Variants in EFHC2 observed in about 807,000 individuals in gnomAD.
The protein encoded by EFHC2 is EF-hand domain containing 2.
Under a neutral mutation model 52.7 loss-of-function variants are expected in EFHC2, and 18 were observed. The observed-to-expected ratio is 0.34, with a 90% CI of 0.24 to 0.51. The LOEUF is 0.51. EFHC2 is among the 20% of genes least tolerant of loss of function. The pLI, the probability that EFHC2 is intolerant of heterozygous loss-of-function variation, is 0.97. For missense variants in EFHC2, 513 were observed against 562.5 expected (o/e 0.91, Z 0.89); for synonymous variants, 203 against 204.1 (o/e 0.99, Z 0.04).
At chrX:44,192,676 T>C (rs772701456) in intron 11 of EFHC2, among the ~76,000 whole-genome samples, 1 of 111,421 alleles carries the variant, frequency 9.0e-6, no homozygotes, top group East Asian at 2.8e-4. Context: ...AATCCCTCTC[T>C]AATTTTGCTC....
rs540432952 is a variant in EFHC2, at chrX:44,266,837, A to T, written c.383-5539T>A. Among the ~76,000 whole-genome samples, 17 of 111,425 alleles carry T rather than the reference A, an allele frequency of 1.5e-4. No homozygotes were observed. In the South Asian group the frequency reaches 5.7e-3, roughly 37 times the overall value. ...AGAGTGAATGGCATATGAATGACTG[A>T]CTTCTATTTTGTGTGATTACATTTG... On this transcript the variant is annotated intron_variant, in intron 3 of 14. Transcript: ENST00000420999.
At chrX:44,240,693 G>A (rs767688628) in intron 8 of EFHC2, among the ~76,000 whole-genome samples, 3 of 111,030 alleles carry the variant, frequency 2.7e-5, no homozygotes, top group Non-Finnish European at 3.8e-5. Flanking sequence ...AAAATCAGTG[G>A]TTCTCAAACA....
At chrX:44,284,759 C>T (rs184620294) in intron 2 of EFHC2, 1 of 111,852 alleles carries the variant, frequency 8.9e-6, no homozygotes, top group East Asian at 2.8e-4. Flanking sequence ...TGACTATAAC[C>T]CCCATGTAAT....
chrX:44,229,645 T>C lies in EFHC2; in HGVS notation c.1751+4A>G. The C allele has an allele frequency of 4.1e-6, 5 of 1,210,893 alleles. No individual in the cohort carries two copies. The highest frequency in any genetic ancestry group is 5.6e-6 in the Non-Finnish European group (5 of 895,045). The stretch of plus-strand genomic sequence containing the variant: ...CAGGTGATTGTTAGCAGAATATGGC[T>C]TACCTGAATGTATTATAATCCACCA... On this transcript the variant is annotated splice_donor_region_variant and intron_variant, in intron 11 of 14. Transcript: ENST00000420999.
At chrX:44,169,567 C>T (rs1378430591) in intron 13 of EFHC2, among the ~76,000 whole-genome samples, 1 of 111,355 alleles carries the variant, frequency 9.0e-6, no homozygotes, top group Non-Finnish European at 1.9e-5. Context: ...TGAGCCACCA[C>T]ACCTGGCCTT....
intron 11 of EFHC2, among the ~76,000 whole-genome samples, chrX:44,206,790 T>C (rs55931967): frequency 0.24 from 26,646 of 111,001 alleles, 2,379 homozygotes; most frequent in Middle Eastern, 0.3. Context: ...CCCAAAGCAA[T>C]CTACAGATTC....
intron 3 of EFHC2, among the ~76,000 whole-genome samples, chrX:44,270,511 G>A (rs2037609855): frequency 9.0e-6 from 1 of 111,548 alleles, no homozygotes; most frequent in Non-Finnish European, 1.9e-5. Flanking sequence ...ACAATAGGTA[G>A]GTAGGTATGC....
At position 44,302,797 on chromosome X, in the gene EFHC2, T is replaced by C. The variant is rs190198902; in HGVS notation, c.231+9771A>G. Among the ~76,000 whole-genome samples the C allele has an allele frequency of 4.9e-4, 55 of 112,438 alleles. 1 individual carries two copies. The East Asian group carries it at 0.014, about 28-fold the overall frequency. On this transcript the variant is annotated intron_variant, in intron 2 of 14. Coordinates refer to ENST00000420999, the MANE Select transcript of EFHC2 (RefSeq NM_025184.4). ...TGGTAATAGCAAGAGTCAGATAATC[T>C]GAGAATTATATAAACCTATAGAAAG...
chrX:44,165,081 GA>G (rs1308508108), intron 13 of EFHC2, among the ~76,000 whole-genome samples: 2 of 111,323 alleles, frequency 1.8e-5, no homozygotes, highest in Non-Finnish European at 3.8e-5. Flanking sequence ...GTTTTTGAAG[GA>G]AAATACAAAG....
chrX:44,256,599 G>T (rs2147341723), intron 4 of EFHC2, among the ~76,000 whole-genome samples: 1 of 111,595 alleles, frequency 9.0e-6, no homozygotes, highest in Non-Finnish European at 1.9e-5. Flanking sequence ...TCAAATCCCT[G>T]AATAGACCAA....
Position 44,294,249 on chromosome X carries a change from CGTGTGTGTGTGTGTGTGTGTGT to C in EFHC2, c.231+18297_231+18318del, listed in dbSNP as rs200162737. Reference sequence around the variant, plus strand: ...AAGTTTTCAGATTTGGTATACTCAACGTGTGTGTGTGTGTGTGTGTGTGTGTGTGTGTGTGTGTGTGTGTGTA... The same window carrying C: ...AAGTTTTCAGATTTGGTATACTCAACGTGTGTGTGTGTGTGTGTGTGTGTA... On this transcript the variant is annotated intron_variant, in intron 2 of 14. Transcript: ENST00000420999. 5.3e-4 allele frequency among the ~76,000 whole-genome samples: 46 copies of C among 87,494 alleles called. 1 individual carries two copies. Among genetic ancestry groups the C allele is most frequent in the African/African-American group, 1.7e-3 (41 of 24,352 alleles). The allele number at this position is 87,494 out of a possible 115,157, so 76.0% of individuals were successfully genotyped here.
intron 1 of EFHC2, among the ~76,000 whole-genome samples, chrX:44,319,720 A>G (rs945363547): frequency 8.9e-6 from 1 of 112,013 alleles, no homozygotes; most frequent in African/African-American, 3.2e-5. Flanking sequence ...CATTTATGGT[A>G]AGGATATAAA....
At chrX:44,214,492 C>A (rs908028009) in intron 11 of EFHC2, among the ~76,000 whole-genome samples, 1 of 112,091 alleles carries the variant, frequency 8.9e-6, no homozygotes, top group Admixed American at 9.4e-5. Context: ...AAAAGACCAC[C>A]AATCTAAAAT....
chrX:44,162,767 C>A (rs1272399925), intron 14 of EFHC2, among the ~76,000 whole-genome samples: 1 of 110,169 alleles, frequency 9.1e-6, no homozygotes, highest in Non-Finnish European at 1.9e-5. Context: ...ACTTCCTGTT[C>A]CCCCCCAGTC....
intron 11 of EFHC2, among the ~76,000 whole-genome samples, chrX:44,184,387 G>T (rs1246143494): frequency 1.8e-5 from 2 of 111,532 alleles, no homozygotes; most frequent in East Asian, 5.6e-4. Context: ...CTTGTTAGAT[G>T]TCAGCTTCTC....
intron 11 of EFHC2, among the ~76,000 whole-genome samples, chrX:44,207,218 A>C (rs2037055447): frequency 8.9e-6 from 1 of 112,260 alleles, no homozygotes; most frequent in East Asian, 2.8e-4. Flanking sequence ...AATGGATTAA[A>C]GACTTAAATG....
intron 2 of EFHC2, among the ~76,000 whole-genome samples, chrX:44,281,027 C>T (rs2037698111): frequency 9.0e-6 from 1 of 111,077 alleles, no homozygotes; most frequent in African/African-American, 3.3e-5. Flanking sequence ...TCAAGTGATT[C>T]TCCTGCCTCA....
At chrX:44,338,728 C>CAAAAA (rs72214962) in intron 1 of EFHC2, among the ~76,000 whole-genome samples, 1 of 90,363 alleles carries the variant, frequency 1.1e-5, no homozygotes, top group African/African-American at 4.1e-5. Flanking sequence ...TTTTCCTTTT[C>CAAAAA]AAAAAAAAAA....
intron 14 of EFHC2, among the ~76,000 whole-genome samples, 184 bp downstream of exon 14, chrX:44,163,738 G>T (rs1202895757): frequency 1.8e-5 from 2 of 112,256 alleles, no homozygotes; most frequent in Non-Finnish European, 3.8e-5. Flanking sequence ...CTTTTACAGA[G>T]CAGATGTTTG....
Sources: allele counts gnomAD v4.1 joint callset (sites outside exome capture counted in the v4.1 genomes callset), GRCh38; gene constraint gnomAD v4.1.1; transcripts MANE v1.5; gene names NCBI Gene and HGNC (gene_info 2026-07-23, HGNC 2026-07-21).